PDHX: variants seen among roughly 807,000 people sequenced by gnomAD.
PDHX encodes pyruvate dehydrogenase complex component X, also known as pyruvate dehydrogenase protein X component, mitochondrial.
Under a neutral mutation model 55.3 loss-of-function variants are expected in PDHX, and 33 were observed. The ratio of observed to expected loss-of-function variants is 0.60; its 90% confidence interval spans 0.45 to 0.80. The LOEUF is 0.80. Among genes scored for constraint, PDHX ranks in the 30% least tolerant of loss-of-function variants. The pLI, the probability that PDHX is intolerant of heterozygous loss-of-function variation, is 0.00. For synonymous variants in PDHX, 226 were observed against 219.4 expected (o/e 1.03, Z -0.27); for missense variants, 622 against 619.9 (o/e 1.00, Z -0.04).
intron 1 of PDHX, among the ~76,000 whole-genome samples, chr11:34,920,840 G>A (rs1853862456): frequency 6.6e-6 from 1 of 152,098 alleles, no homozygotes; most frequent in Non-Finnish European, 1.5e-5. Flanking sequence ...TGTAAAGGAG[G>A]AAAATGCTTA....
chr11:34,988,648 A>G (rs946854434), intron 9 of PDHX, among the ~76,000 whole-genome samples: 1 of 152,158 alleles, frequency 6.6e-6, no homozygotes, highest in Non-Finnish European at 1.5e-5. Flanking sequence ...AGTTATACCA[A>G]ATGCACCATA....
chr11:34,925,115 C>T (rs1344256551), intron 1 of PDHX, among the ~76,000 whole-genome samples: 4 of 152,188 alleles, frequency 2.6e-5, no homozygotes, highest in Admixed American at 6.5e-5. Context: ...TCTAATTTAT[C>T]TCACGGTATG....
chr11:34,927,466 A>C (rs543332835), intron 1 of PDHX, among the ~76,000 whole-genome samples: 44 of 152,192 alleles, frequency 2.9e-4, no homozygotes, highest in Middle Eastern at 3.4e-3. Context: ...GTAAAGGATA[A>C]AATTCCATTC....
chr11:34,963,210 A>G (rs748949756), intron 5 of PDHX, among the ~76,000 whole-genome samples: 6 of 152,202 alleles, frequency 3.9e-5, no homozygotes, highest in Non-Finnish European at 8.8e-5. Flanking sequence ...TGGTTGAAAA[A>G]TTGCAGGCTT....
chr11:34,984,439 A>T, intron 8 of PDHX, 131 bp from the exon 9 acceptor site: 1 of 751,886 alleles, frequency 1.3e-6, no homozygotes, highest in Non-Finnish European at 2.2e-6. Context: ...CATTTTTTCA[A>T]ACGAAATTTT....
chr11:34,921,751 A>G (rs1360061261), intron 1 of PDHX, among the ~76,000 whole-genome samples: 1 of 152,218 alleles, frequency 6.6e-6, no homozygotes, highest in Non-Finnish European at 1.5e-5. Context: ...ATCTTACTAC[A>G]GGCAGCAACA....
chr11:34,989,416 C>T lies in PDHX; in HGVS notation c.1183-2899C>T, dbSNP rs371926886. Among the ~76,000 whole-genome samples, 189 of 152,228 alleles carry T rather than the reference C, an allele frequency of 1.2e-3. 3 individuals are homozygous for T. The South Asian group carries it at 0.034, about 27-fold the overall frequency. Reference sequence around the variant, plus strand: ...TAAGAAAGAAGAGACCTGAGTCAAACGGGAGAGTACTCTGCCAAAGAAGCA... The same window carrying T: ...TAAGAAAGAAGAGACCTGAGTCAAATGGGAGAGTACTCTGCCAAAGAAGCA... On this transcript the variant is annotated intron_variant, in intron 9 of 10. Coordinates refer to ENST00000227868, the MANE Select transcript of PDHX (RefSeq NM_003477.3).
intron 8 of PDHX, among the ~76,000 whole-genome samples, chr11:34,978,763 G>A (rs1334755944): frequency 1.3e-5 from 2 of 152,056 alleles, no homozygotes; most frequent in Non-Finnish European, 2.9e-5. Context: ...ATGGAGAGGT[G>A]GGAGATAAGA....
Position 34,966,561 on chromosome 11 carries a change from C to T in PDHX, c.642-79C>T, listed in dbSNP as rs748070432. ...TGTATATTTCTGTATCTTTTCTCCACATCTCACCTGCGTTTTCTGAAAGTT... is the reference window on the plus strand; with the variant it reads ...TGTATATTTCTGTATCTTTTCTCCATATCTCACCTGCGTTTTCTGAAAGTT... On this transcript the variant is annotated intron_variant, in intron 5 of 10. Transcript: ENST00000227868. 696 of 1,297,348 alleles carry T rather than the reference C, an allele frequency of 5.4e-4. 1 individual carries two copies. The highest frequency in any genetic ancestry group is 7.0e-4 in the Non-Finnish European group (620 of 891,004). The allele number at this position is 1,297,348 out of a possible 1,614,324, so 80.4% of individuals were successfully genotyped here. A position where few individuals can be genotyped will look rare whatever the true frequency, so the allele number is the denominator to read the frequency against.
intron 2 of PDHX, among the ~76,000 whole-genome samples, chr11:34,934,446 G>A (rs1854257051): frequency 6.6e-6 from 1 of 151,966 alleles, no homozygotes; most frequent in Non-Finnish European, 1.5e-5. Flanking sequence ...GAAGGTGGGG[G>A]AACCTATAGC....
intron 4 of PDHX, among the ~76,000 whole-genome samples, chr11:34,957,937 C>T (rs567169582): frequency 5.9e-5 from 9 of 152,250 alleles, no homozygotes; most frequent in Non-Finnish European, 1.2e-4. Flanking sequence ...GTTCTAATTA[C>T]TGTTACAGGA....
At chr11:34,944,234 C>T (rs796425071) in intron 2 of PDHX, among the ~76,000 whole-genome samples, 12 of 152,058 alleles carry the variant, frequency 7.9e-5, no homozygotes, top group African/African-American at 2.7e-4. Context: ...ATTCTTCTGC[C>T]TCAACCTCCC....
chr11:34,920,924 C>T (rs1307204837), intron 1 of PDHX, among the ~76,000 whole-genome samples: 1 of 152,176 alleles, frequency 6.6e-6, no homozygotes, highest in African/African-American at 2.4e-5. Context: ...CTTCTCTCAC[C>T]TGCCTGTTTT....
At chr11:34,934,398 C>A (rs763062160) in intron 2 of PDHX, among the ~76,000 whole-genome samples, 1 of 151,924 alleles carries the variant, frequency 6.6e-6, no homozygotes, top group Non-Finnish European at 1.5e-5. Flanking sequence ...TTTCTTCAAC[C>A]AATAAATTTC....
At chr11:34,988,562 A>G (rs1855698207) in intron 9 of PDHX, among the ~76,000 whole-genome samples, 1 of 150,974 alleles carries the variant, frequency 6.6e-6, no homozygotes, top group African/African-American at 2.4e-5. Context: ...TTCTGTCAAA[A>G]AAAAAAAAAA....
chr11:34,982,461 C>CA (rs769562161), intron 8 of PDHX, among the ~76,000 whole-genome samples: 5 of 152,012 alleles, frequency 3.3e-5, no homozygotes, highest in African/African-American at 4.8e-5. Context: ...AAAAAACCTT[C>CA]AAAAAATCCA....
At chr11:34,946,099 T>C (rs1291090897) in intron 2 of PDHX, among the ~76,000 whole-genome samples, 2 of 152,218 alleles carry the variant, frequency 1.3e-5, no homozygotes, top group African/African-American at 2.4e-5. Flanking sequence ...TTGTTTTTAA[T>C]GTTTGTATCT....
chr11:34,966,775 G>C lies in PDHX; in HGVS notation c.777G>C (p.Val259=). 1.2e-6 allele frequency: 2 copies of C among 1,614,024 alleles called. No homozygotes were observed. The highest frequency in any genetic ancestry group is 1.7e-6 in the Non-Finnish European group (2 of 1,179,982). ...CTGGACCATCTTATCCCCGGCCTGT[G>C]ATCCCACCAGTATCAACTCCTGGAC... The part of the protein sequence containing the change: ...ATAGPSYPRP[V]IPPVSTPGQP... Residue 259 remains valine (V), a synonymous_variant, in exon 6 of 11, where the codon GTG becomes GTC. Coordinates refer to ENST00000227868, the MANE Select transcript of PDHX (RefSeq NM_003477.3).
chr11:34,929,723 C>G (rs543498927), intron 1 of PDHX, among the ~76,000 whole-genome samples: 1 of 152,278 alleles, frequency 6.6e-6, no homozygotes, highest in East Asian at 1.9e-4. Flanking sequence ...GATTCGCATC[C>G]TGTAATCAGT....
Sources: allele counts gnomAD v4.1 joint callset (sites outside exome capture counted in the v4.1 genomes callset), GRCh38; gene constraint gnomAD v4.1.1; transcripts MANE v1.5; gene names NCBI Gene and HGNC (gene_info 2026-07-23, HGNC 2026-07-21).